The following MSANTD3 variants were observed in gnomAD, a reference collection of about 807,000 sequenced individuals.
MSANTD3 encodes the protein Myb/SANT DNA binding domain containing 3, also known as myb/SANT-like DNA-binding domain-containing protein 3.
Under a neutral mutation model 27.7 loss-of-function variants are expected in MSANTD3, and 11 were observed. The observed-to-expected ratio is 0.40, with a 90% CI of 0.25 to 0.66. The LOEUF (loss-of-function observed/expected upper bound fraction) is 0.66, where lower values mean the gene tolerates loss of function less well. Ranked by LOEUF, MSANTD3 falls within the 30% of genes least tolerant of loss-of-function variation. MSANTD3 has a pLI of 0.41. For missense variants in MSANTD3, 250 were observed against 336.5 expected (o/e 0.74, Z 2.01); for synonymous variants, 131 against 127.2 (o/e 1.03, Z -0.20).
At chr9:100,429,184 T>C (rs952648016) in intron 1 of MSANTD3, among the ~76,000 whole-genome samples, 2 of 152,154 alleles carry the variant, frequency 1.3e-5, no homozygotes, top group Non-Finnish European at 2.9e-5. Flanking sequence ...TAACCAGGCA[T>C]TGAAGCAGAG....
chr9:100,441,601 T>C (rs1836622598), intron 1 of MSANTD3, among the ~76,000 whole-genome samples: 1 of 152,102 alleles, frequency 6.6e-6, no homozygotes, highest in Non-Finnish European at 1.5e-5. Flanking sequence ...GTCGTGCCAC[T>C]GCACTCCAGC....
In MSANTD3 at chr9:100,451,398, C is replaced by G. The variant is rs1214611336; in HGVS notation, c.*432C>G. ...CATGGAAAGTGGCTGTCCTGGGAGG[C>G]TACACGTTTCTCCAATGGTGATGCT... On this transcript the variant is annotated 3_prime_UTR_variant, in exon 3 of 3. Transcript: ENST00000395067. 1 of 153,996 alleles carries G rather than the reference C, an allele frequency of 6.5e-6. No homozygotes were observed. The highest frequency in any genetic ancestry group is 2.4e-5 in the African/African-American group (1 of 40,952). 9.5% of individuals were successfully genotyped at this position (153,996 alleles called of 1,614,324 possible).
Position 100,450,701 on chromosome 9 carries a change from C to T in MSANTD3, c.563C>T (p.Ser188Phe). Residue 188 changes from serine to phenylalanine, a missense_variant, in exon 3 of 3, where the codon TCT (serine) becomes TTT (phenylalanine). By Grantham distance (155) the Ser-to-Phe change is radical. Coordinates refer to ENST00000395067, the MANE Select transcript of MSANTD3 (RefSeq NM_080655.3). ...TANKNYRSKT[S>F]QEGALKKMHE... is the part of the protein sequence containing the mutation. Reference sequence around the variant, plus strand: ...AATAAAAACTACAGGAGCAAAACCTCTCAGGAAGGTGCTTTAAAAAAGATG... The same window carrying T: ...AATAAAAACTACAGGAGCAAAACCTTTCAGGAAGGTGCTTTAAAAAAGATG... The T allele has an allele frequency of 6.2e-7, 1 of 1,614,074 alleles. No individual in the cohort carries two copies. Among genetic ancestry groups the T allele is most frequent in the South Asian group, 1.1e-5 (1 of 91,070 alleles).
At chr9:100,433,736 G>A (rs939255544) in intron 1 of MSANTD3, among the ~76,000 whole-genome samples, 2 of 152,110 alleles carry the variant, frequency 1.3e-5, no homozygotes, top group Admixed American at 6.6e-5. Flanking sequence ...AGACAGGCAA[G>A]ATACTAGGGT....
chr9:100,435,193 T>C (rs562376675), intron 1 of MSANTD3, among the ~76,000 whole-genome samples: 2 of 152,284 alleles, frequency 1.3e-5, no homozygotes, highest in African/African-American at 2.4e-5. Flanking sequence ...GTTGATTGAC[T>C]TGCCCAAAGT....
chr9:100,445,097 T>G (rs1361501496), intron 2 of MSANTD3: 1 of 848,028 alleles, frequency 1.2e-6, no homozygotes, highest in Non-Finnish European at 2.0e-6. Context: ...TTAATACTAG[T>G]AGGTAGGGTA....
intron 2 of MSANTD3, among the ~76,000 whole-genome samples, chr9:100,447,084 C>T (rs1315938979): frequency 6.6e-6 from 1 of 152,060 alleles, no homozygotes; most frequent in Non-Finnish European, 1.5e-5. Context: ...CTTTCCTGGT[C>T]CCAGGAAAGC....
In MSANTD3 at chr9:100,442,165, A is replaced by T; in HGVS notation, c.227A>T (p.Asn76Ile). 1 of 1,614,212 alleles carries T rather than the reference A, an allele frequency of 6.2e-7. No individual in the cohort carries two copies. The highest frequency in any genetic ancestry group is 8.5e-7 in the Non-Finnish European group (1 of 1,180,040). ...DFKQLKKCWE[N>I]IKARTKKIMA... is the part of the protein sequence containing the mutation. Reference sequence around the variant, plus strand: ...AAACAGCTGAAGAAGTGCTGGGAGAACATCAAGGCTCGGACCAAAAAAATT... The same window carrying T: ...AAACAGCTGAAGAAGTGCTGGGAGATCATCAAGGCTCGGACCAAAAAAATT... The change falls in exon 2 of 3, where the codon AAC becomes ATC. Residue 76 changes from asparagine (N) to isoleucine (I), a missense_variant. Coordinates refer to ENST00000395067, the MANE Select transcript of MSANTD3 (RefSeq NM_080655.3).
intron 1 of MSANTD3, among the ~76,000 whole-genome samples, chr9:100,427,873 T>C (rs944789513): frequency 6.6e-6 from 1 of 152,094 alleles, no homozygotes; most frequent in Non-Finnish European, 1.5e-5. Context: ...CATCACATCC[T>C]TGCTTGACTG....
intron 1 of MSANTD3, among the ~76,000 whole-genome samples, chr9:100,429,190 C>T (rs1445691429): frequency 6.6e-6 from 1 of 152,098 alleles, no homozygotes; most frequent in African/African-American, 2.4e-5. Flanking sequence ...GGCATTGAAG[C>T]AGAGAGTAGG....
At chr9:100,436,600 A>G (rs1836483924) in intron 1 of MSANTD3, among the ~76,000 whole-genome samples, 1 of 152,178 alleles carries the variant, frequency 6.6e-6, no homozygotes, top group Non-Finnish European at 1.5e-5. Flanking sequence ...TTATGTTGTC[A>G]TTTATAAACA....
chr9:100,430,839 A>T (rs1836360239), intron 1 of MSANTD3, among the ~76,000 whole-genome samples: 1 of 152,126 alleles, frequency 6.6e-6, no homozygotes, highest in Non-Finnish European at 1.5e-5. Flanking sequence ...GGGAATAATT[A>T]GTTTGGTTTT....
intron 1 of MSANTD3, among the ~76,000 whole-genome samples, chr9:100,441,288 A>T (rs1223180898): frequency 6.6e-6 from 1 of 152,024 alleles, no homozygotes; most frequent in Non-Finnish European, 1.5e-5. Context: ...ACTGGCTAAC[A>T]TGATTTGGGG....
chr9:100,433,732 G>A (rs1373076949), intron 1 of MSANTD3, among the ~76,000 whole-genome samples: 1 of 152,130 alleles, frequency 6.6e-6, no homozygotes, highest in Non-Finnish European at 1.5e-5. Flanking sequence ...CAGGAGACAG[G>A]CAAGATACTA....
chr9:100,436,150 C>A (rs1430936409), intron 1 of MSANTD3, among the ~76,000 whole-genome samples: 2 of 151,996 alleles, frequency 1.3e-5, no homozygotes, highest in African/African-American at 2.4e-5. Flanking sequence ...AGCTTTTTTT[C>A]ATTAAGAGAT....
chr9:100,440,842 C>G lies in MSANTD3; in HGVS notation c.-33-1064C>G, dbSNP rs189164013. Among the ~76,000 whole-genome samples, 7 of 117,212 alleles carry G rather than the reference C, an allele frequency of 6.0e-5. No individual in the cohort carries two copies. The East Asian group carries it at 1.7e-3, about 28-fold the overall frequency. The allele number at this position is 117,212 out of a possible 152,430, so 76.9% of individuals were successfully genotyped here. On this transcript the variant is annotated intron_variant, in intron 1 of 2. Coordinates refer to ENST00000395067, the MANE Select transcript of MSANTD3 (RefSeq NM_080655.3). ...GTTTTGCCTTGTTGCCCATGCTAGTCTCGAACTCCTGGGCTCAAGCAATTT... is the reference window on the plus strand; with the variant it reads ...GTTTTGCCTTGTTGCCCATGCTAGTGTCGAACTCCTGGGCTCAAGCAATTT...
chr9:100,444,522 G>A lies in MSANTD3; in HGVS notation c.418+2166G>A, dbSNP rs561536969. On this transcript the variant is annotated intron_variant, in intron 2 of 2. Transcript: ENST00000395067. The stretch of plus-strand genomic sequence containing the variant: ...GGCTTCAGAGCCATTCAGCTTCTGT[G>A]AGGTTGTGGAGGAGTGTGCTGGGGG... 1.2e-3 allele frequency: 179 copies of A among 152,666 alleles called. 1 individual carries two copies. The highest frequency in any genetic ancestry group is 2.0e-3 in the Non-Finnish European group (140 of 68,318). The allele number at this position is 152,666 out of a possible 1,614,324, so 9.5% of individuals were successfully genotyped here.
At chr9:100,439,786 TG>T (rs1564248870) in intron 1 of MSANTD3, among the ~76,000 whole-genome samples, 1 of 151,896 alleles carries the variant, frequency 6.6e-6, no homozygotes, top group Non-Finnish European at 1.5e-5. Context: ...CCCAAAGTCC[TG>T]GGATTACAGG....
chr9:100,448,831 G>A lies in MSANTD3; in HGVS notation c.419-1726G>A, dbSNP rs1836817148. ...ATTTTCATTATTTCTGGATGGCACC[G>A]AAGTACTTTTTCTTTTTTTTTAAAC... On this transcript the variant is annotated intron_variant, in intron 2 of 2. Transcript: ENST00000395067. 26 of 985,330 alleles carry A rather than the reference G, an allele frequency of 2.6e-5. No individual in the cohort carries two copies. The South Asian group carries it at 8.9e-4, about 34-fold the overall frequency. The allele number at this position is 985,330 out of a possible 1,614,324, so 61.0% of individuals were successfully genotyped here. A position where few individuals can be genotyped will look rare whatever the true frequency, so the allele number is the denominator to read the frequency against.
Sources: gnomAD v4.1 joint callset for allele counts (sites outside exome capture counted in the v4.1 genomes callset) on GRCh38, gnomAD v4.1.1 for gene constraint, MANE v1.5 for transcripts, NCBI Gene and HGNC (gene_info 2026-07-23, HGNC 2026-07-21) for gene names.